TCF7L2: variants seen among roughly 807,000 people sequenced by gnomAD.
TCF7L2 encodes transcription factor 7 like 2.
In TCF7L2, 23 loss-of-function variants were observed where a neutral mutation model predicts 77.9. That is an observed-to-expected ratio of 0.30 (90% CI 0.21 to 0.42). TCF7L2 has a LOEUF of 0.42. Among genes scored for constraint, TCF7L2 ranks in the 10% least tolerant of loss-of-function variants. The pLI, the probability that TCF7L2 is intolerant of heterozygous loss-of-function variation, is 1.00. For missense variants in TCF7L2, 654 were observed against 793.1 expected, an observed-to-expected ratio of 0.82 and a Z score of 2.11; for synonymous variants, 413 against 340.2, an observed-to-expected ratio of 1.21 and a Z score of -2.36.
intron 4 of TCF7L2, among the ~76,000 whole-genome samples, chr10:112,980,705 G>A (rs1051276672): frequency 6.6e-6 from 1 of 151,354 alleles, no homozygotes; most frequent in African/African-American, 2.4e-5. Flanking sequence ...TTGGCTCACT[G>A]CAAGCTCCGC....
At chr10:112,951,428 ACT>A (rs1037480704) in intron 2 of TCF7L2, 53 bp from the exon 3 acceptor site, 2 of 1,322,960 alleles carry the variant, frequency 1.5e-6, no homozygotes, top group Non-Finnish European at 2.0e-6. Flanking sequence ...GTTTCTCCTC[ACT>A]CTCTCCCGCT....
chr10:113,151,693 T>C lies in TCF7L2; in HGVS notation c.1002-32T>C, dbSNP rs1305436986. 1 of 1,557,962 alleles carries C rather than the reference T, an allele frequency of 6.4e-7. No homozygotes were observed. The highest frequency in any genetic ancestry group is 1.4e-5 in the African/African-American group (1 of 72,336). On this transcript the variant is annotated intron_variant, in intron 9 of 13. Coordinates refer to ENST00000627217, the MANE Select transcript of TCF7L2 (RefSeq NM_001146274.2). The surrounding 1 kb of genome is among the most constrained non-coding windows in gnomAD (Gnocchi z 5.2). ...GAGGAAGTTGGACCACGACCTTGTT[T>C]ATTGGGTTGCGTCTGTTTTGTCTAT...
intron 4 of TCF7L2, among the ~76,000 whole-genome samples, chr10:112,968,591 T>G (rs2037527700): frequency 2.0e-5 from 3 of 152,156 alleles, no homozygotes; most frequent in South Asian, 4.1e-4. Context: ...CTTTTTCATT[T>G]TTTTTGAAAC....
intron 8 of TCF7L2, among the ~76,000 whole-genome samples, chr10:113,146,733 T>G (rs2069505487): frequency 6.6e-6 from 1 of 152,192 alleles, no homozygotes; most frequent in South Asian, 2.1e-4. Context: ...CAACAACTAT[T>G]AATAAGATGT....
At chr10:113,164,688 C>A (rs752329795) in intron 13 of TCF7L2, among the ~76,000 whole-genome samples, 8 of 151,936 alleles carry the variant, frequency 5.3e-5, no homozygotes, top group Non-Finnish European at 1.0e-4. Flanking sequence ...GAATCATTTT[C>A]TGTTTTTCTT....
chr10:112,996,251 T>C (rs1291682646), intron 4 of TCF7L2, among the ~76,000 whole-genome samples: 1 of 152,176 alleles, frequency 6.6e-6, no homozygotes, highest in Non-Finnish European at 1.5e-5. Context: ...CGGAGGAGGA[T>C]GAGCCTCTCG....
intron 4 of TCF7L2, among the ~76,000 whole-genome samples, chr10:112,985,129 T>A (rs2041244863): frequency 6.6e-6 from 1 of 152,202 alleles, no homozygotes; most frequent in South Asian, 2.1e-4. Context: ...CGGTGATTAC[T>A]TTATTGGAAA....
At chr10:113,113,710 A>G (rs2063409955) in intron 5 of TCF7L2, among the ~76,000 whole-genome samples, 1 of 152,128 alleles carries the variant, frequency 6.6e-6, no homozygotes, top group South Asian at 2.1e-4. Flanking sequence ...TGGGCTCCTC[A>G]CCATCTAATT....
intron 4 of TCF7L2, among the ~76,000 whole-genome samples, chr10:112,979,015 A>G (rs1346279230): frequency 6.6e-6 from 1 of 152,130 alleles, no homozygotes; most frequent in South Asian, 2.1e-4. Flanking sequence ...GGTTTTGCCA[A>G]GGATGTTCTT....
chr10:113,135,200 G>A (rs554734499), intron 5 of TCF7L2, among the ~76,000 whole-genome samples: 55 of 152,304 alleles, frequency 3.6e-4, no homozygotes, highest in Non-Finnish European at 7.1e-4. Flanking sequence ...GTGTGTGGGC[G>A]CTTGGCGATG....
At chr10:113,100,129 G>A (rs1205086918) in intron 5 of TCF7L2, among the ~76,000 whole-genome samples, 31 of 152,172 alleles carry the variant, frequency 2.0e-4, no homozygotes, top group Non-Finnish European at 1.0e-4. Flanking sequence ...CTGGCAACAG[G>A]TTTCTGTAGA....
At chr10:112,998,825 C>G (rs1308686878) in intron 4 of TCF7L2, among the ~76,000 whole-genome samples, 3 of 152,142 alleles carry the variant, frequency 2.0e-5, no homozygotes, top group African/African-American at 7.2e-5. Context: ...AGTGAAAGTT[C>G]TAATAATTTG....
At chr10:113,051,685 AAAG>A (rs1185977240) in intron 5 of TCF7L2, among the ~76,000 whole-genome samples, 8 of 152,244 alleles carry the variant, frequency 5.3e-5, no homozygotes, top group Admixed American at 5.2e-4. Context: ...GGCTGGTATG[AAAG>A]AAGGAGTTTC....
chr10:113,139,422 C>T (rs2067943137), intron 5 of TCF7L2, among the ~76,000 whole-genome samples: 1 of 152,168 alleles, frequency 6.6e-6, no homozygotes, highest in African/African-American at 2.4e-5. Flanking sequence ...GGGCAGCAGC[C>T]CTTCACCCTG....
chr10:112,978,895 A>C (rs1468121106), intron 4 of TCF7L2, among the ~76,000 whole-genome samples: 3 of 152,136 alleles, frequency 2.0e-5, no homozygotes, highest in Non-Finnish European at 4.4e-5. Context: ...GGTTTGTTAC[A>C]TATGTATACA....
chr10:113,032,068 GA>G (rs1183832637), intron 4 of TCF7L2, among the ~76,000 whole-genome samples: 3 of 152,218 alleles, frequency 2.0e-5, no homozygotes, highest in Non-Finnish European at 4.4e-5. Context: ...GCTAGGCCTG[GA>G]AAATAGGTTT....
At chr10:113,021,740 G>C (rs1392554393) in intron 4 of TCF7L2, among the ~76,000 whole-genome samples, 1 of 152,208 alleles carries the variant, frequency 6.6e-6, no homozygotes, top group African/African-American at 2.4e-5. Flanking sequence ...AACTCTCCAC[G>C]TGTGTGTGTT....
In TCF7L2 at chr10:113,151,683, C is replaced by T. The variant is rs765784233; in HGVS notation, c.1002-42C>T. On this transcript the variant is annotated intron_variant, in intron 9 of 13. Coordinates refer to ENST00000627217, the MANE Select transcript of TCF7L2 (RefSeq NM_001146274.2). This position sits in a 1 kb window ranked among gnomAD's most constrained non-coding sequence, Gnocchi z 5.2. ...CCCTGCCATGGAGGAAGTTGGACCA[C>T]GACCTTGTTTATTGGGTTGCGTCTG... The T allele has an allele frequency of 8.4e-6, 13 of 1,545,548 alleles. No individual in the cohort carries two copies. The highest frequency in any genetic ancestry group is 2.6e-5 in the South Asian group (2 of 76,498).
chr10:113,112,921 T>G (rs1009701501), intron 5 of TCF7L2, among the ~76,000 whole-genome samples: 2 of 152,230 alleles, frequency 1.3e-5, no homozygotes, highest in African/African-American at 4.8e-5. Context: ...TTTCCCTGAT[T>G]ATGCTTTTCT....
Sources: allele counts gnomAD v4.1 joint callset (sites outside exome capture counted in the v4.1 genomes callset), GRCh38; gene constraint gnomAD v4.1.1; non-coding constraint Gnocchi (gnomAD v3.1); transcripts MANE v1.5; gene names NCBI Gene and HGNC (gene_info 2026-07-23, HGNC 2026-07-21).